The following CTNND2 variants were observed in gnomAD, a reference collection of about 807,000 sequenced individuals.
The protein encoded by CTNND2 is catenin delta 2.
In CTNND2, 22 loss-of-function variants were observed where a neutral mutation model predicts 144.4. The observed-to-expected ratio is 0.15, with a 90% CI of 0.11 to 0.22. The LOEUF (loss-of-function observed/expected upper bound fraction) is 0.22, where lower values mean the gene tolerates loss of function less well. CTNND2 is among the 10% of genes least tolerant of loss of function. The probability of loss-of-function intolerance (pLI) is 1.00; values close to 1 mark genes in which losing one functional copy is unlikely to be tolerated. For synonymous variants in CTNND2, 751 were observed against 695.6 expected, an observed-to-expected ratio of 1.08 and a Z score of -1.25; for missense variants, 1,353 against 1,618.8, an observed-to-expected ratio of 0.84 and a Z score of 2.82.
At chr5:11,123,236 G>A (rs796287550) in intron 12 of CTNND2, among the ~76,000 whole-genome samples, 5 of 152,312 alleles carry the variant, frequency 3.3e-5, no homozygotes, top group African/African-American at 1.2e-4. Flanking sequence ...GTAGGGGGGA[G>A]CATCATCTTA....
chr5:11,171,283 G>C (rs567821708), intron 11 of CTNND2, among the ~76,000 whole-genome samples: 2 of 152,262 alleles, frequency 1.3e-5, no homozygotes, highest in African/African-American at 4.8e-5. Flanking sequence ...CCCATGGACA[G>C]GTAATGAATG....
At chr5:11,500,780 A>G (rs774584967) in intron 3 of CTNND2, among the ~76,000 whole-genome samples, 2 of 152,234 alleles carry the variant, frequency 1.3e-5, no homozygotes, top group Non-Finnish European at 2.9e-5. Context: ...TGCTAAATGT[A>G]TCTCAGAGTA....
rs61749844 is a variant in CTNND2, at chr5:11,385,019, C to G, written c.823G>C (p.Gly275Arg). The G allele has an allele frequency of 3.2e-6, 4 of 1,234,510 alleles. No individual in the cohort carries two copies. The highest frequency in any genetic ancestry group is 3.8e-5 in the South Asian group (1 of 26,394). 76.5% of individuals were successfully genotyped at this position (1,234,510 alleles called of 1,614,324 possible). ...GGSPLAAPQGGSPTKLQRGGS... is the reference protein window; with the variant it reads ...GGSPLAAPQGRSPTKLQRGGS... ...CCGCGCTGCAGCTTGGTGGGCGAAC[C>G]GCCCTGGGGCGCGGCCAGCGGGGAG... The change falls in exon 7 of 22, where the codon GGT (glycine) becomes CGT (arginine). Residue 275 changes from glycine to arginine, a missense_variant. Coordinates refer to ENST00000304623, the MANE Select transcript of CTNND2 (RefSeq NM_001332.4).
intron 2 of CTNND2, among the ~76,000 whole-genome samples, chr5:11,726,124 G>C (rs535906953): frequency 6.6e-6 from 1 of 152,184 alleles, no homozygotes; most frequent in South Asian, 2.1e-4. Context: ...TCCAGGCAGT[G>C]TCTGTCAAAG....
chr5:11,011,921 G>A lies in CTNND2; in HGVS notation c.3084+6053C>T, dbSNP rs181185639. Among the ~76,000 whole-genome samples, 4 of 152,308 alleles carry A rather than the reference G, an allele frequency of 2.6e-5. No individual in the cohort carries two copies. In the East Asian group the frequency reaches 7.7e-4, roughly 29 times the overall value. On this transcript the variant is annotated intron_variant, in intron 18 of 21. Transcript: ENST00000304623. ...AAAGCAGAAAGACAGTGGGACTAGA[G>A]GAGACAGAGTAGAGAGACCAGGGGG... is the stretch of plus-strand genomic sequence containing the variant.
chr5:11,009,002 C>G (rs1740782774), intron 18 of CTNND2, among the ~76,000 whole-genome samples: 1 of 152,216 alleles, frequency 6.6e-6, no homozygotes, highest in South Asian at 2.1e-4. Context: ...TGGGCCCCTT[C>G]CAGGGTCTGT....
intron 20 of CTNND2, 101 bp from the exon 21 acceptor site, chr5:10,981,947 T>C (rs1272113767): frequency 1.1e-6 from 1 of 924,654 alleles, no homozygotes; most frequent in East Asian, 2.4e-5. Flanking sequence ...AAGCTTGTTT[T>C]CTTGGGGACC....
At chr5:11,736,374 C>A (rs1206919205) in intron 1 of CTNND2, among the ~76,000 whole-genome samples, 3 of 152,214 alleles carry the variant, frequency 2.0e-5, no homozygotes, top group African/African-American at 7.2e-5. Context: ...GTGGAATCTT[C>A]AAGGCTTATT....
At chr5:11,592,399 A>G (rs1430612952) in intron 2 of CTNND2, among the ~76,000 whole-genome samples, 2 of 152,094 alleles carry the variant, frequency 1.3e-5, no homozygotes, top group Non-Finnish European at 2.9e-5. Context: ...GTGTAAACTC[A>G]CATATCTCCT....
At position 10,972,228 on chromosome 5, in the gene CTNND2, G is replaced by T. The variant is rs75879762; in HGVS notation, c.*1225C>A. The T allele has an allele frequency of 6.8e-4, 104 of 152,722 alleles. No individual in the cohort carries two copies. Among genetic ancestry groups the T allele is most frequent in the African/African-American group, 2.4e-3 (98 of 41,556 alleles). 9.5% of individuals were successfully genotyped at this position (152,722 alleles called of 1,614,324 possible). On this transcript the variant is annotated 3_prime_UTR_variant, in exon 22 of 22. Transcript: ENST00000304623. Reference sequence around the variant, plus strand: ...AGAGAGGGTTGATATCCAAGTATGCGTGAATGTGTGAAAATCCTATAACTC... The same window carrying T: ...AGAGAGGGTTGATATCCAAGTATGCTTGAATGTGTGAAAATCCTATAACTC...
intron 1 of CTNND2, among the ~76,000 whole-genome samples, chr5:11,858,773 C>T (rs1271495900): frequency 2.0e-5 from 3 of 152,004 alleles, no homozygotes; most frequent in Non-Finnish European, 4.4e-5. Flanking sequence ...ACTAAAAATA[C>T]AAAAAATTAG....
intron 12 of CTNND2, among the ~76,000 whole-genome samples, chr5:11,124,288 TA>T (rs964491938): frequency 2.0e-5 from 3 of 152,176 alleles, no homozygotes; most frequent in African/African-American, 7.2e-5. Flanking sequence ...TAATTACACG[TA>T]AAAATGCAAA....
At chr5:11,387,131 G>GT (rs5865936) in intron 6 of CTNND2, among the ~76,000 whole-genome samples, 130,580 of 150,222 alleles carry the variant, frequency 0.87, 56,703 homozygotes, top group Middle Eastern at 0.93. Flanking sequence ...CCATATATCA[G>GT]TTTTTTTTGG....
intron 9 of CTNND2, among the ~76,000 whole-genome samples, chr5:11,312,810 G>A (rs1267689912): frequency 2.0e-5 from 3 of 147,706 alleles, no homozygotes; most frequent in South Asian, 2.2e-4. Context: ...TACGTCCCTG[G>A]ACAACTTGTC....
intron 2 of CTNND2, among the ~76,000 whole-genome samples, chr5:11,584,087 T>C (rs910252856): frequency 1.3e-5 from 2 of 152,242 alleles, no homozygotes; most frequent in Non-Finnish European, 2.9e-5. Flanking sequence ...ACACTGAATA[T>C]AGTATCTCTT....
chr5:11,753,725 G>T (rs1788751693), intron 1 of CTNND2, among the ~76,000 whole-genome samples: 1 of 151,708 alleles, frequency 6.6e-6, no homozygotes, highest in Non-Finnish European at 1.5e-5. Flanking sequence ...TCAATTTTTT[G>T]GAATAGTTTC....
chr5:11,002,607 A>G (rs750604412), intron 18 of CTNND2, among the ~76,000 whole-genome samples: 3 of 152,190 alleles, frequency 2.0e-5, no homozygotes, highest in Non-Finnish European at 4.4e-5. Flanking sequence ...CAGGCTAAAT[A>G]CCAAATCCTC....
chr5:11,797,621 G>A (rs1003580706), intron 1 of CTNND2, among the ~76,000 whole-genome samples: 4 of 152,088 alleles, frequency 2.6e-5, no homozygotes, highest in African/African-American at 9.7e-5. Context: ...TATAAATGAT[G>A]TAGTTATATC....
At chr5:11,659,551 G>A (rs1425148921) in intron 2 of CTNND2, among the ~76,000 whole-genome samples, 2 of 152,076 alleles carry the variant, frequency 1.3e-5, no homozygotes, top group Admixed American at 1.3e-4. Flanking sequence ...GCTGATCCAT[G>A]GCTCTATACC....
Sources: allele counts gnomAD v4.1 joint callset (sites outside exome capture counted in the v4.1 genomes callset), GRCh38; gene constraint gnomAD v4.1.1; transcripts MANE v1.5; gene names NCBI Gene and HGNC (gene_info 2026-07-23, HGNC 2026-07-21).